Variants in MGAT4C observed in about 807,000 individuals in gnomAD.
The protein encoded by MGAT4C is alpha-1,3-mannosyl-glycoprotein 4-beta-N-acetylglucosaminyltransferase C.
In MGAT4C, 19 loss-of-function variants were observed where a neutral mutation model predicts 40.1. That is an observed-to-expected ratio of 0.47 (90% CI 0.33 to 0.70). MGAT4C has a LOEUF of 0.70. Among genes scored for constraint, MGAT4C ranks in the 30% least tolerant of loss-of-function variants. The pLI, the probability that MGAT4C is intolerant of heterozygous loss-of-function variation, is 0.02. For synonymous variants in MGAT4C, 181 were observed against 187.1 expected (o/e 0.97, Z 0.27); for missense variants, 491 against 563.2 (o/e 0.87, Z 1.30).
chr12:86,107,588 T>C (rs896116345), intron 1 of MGAT4C, among the ~76,000 whole-genome samples: 2 of 152,192 alleles, frequency 1.3e-5, no homozygotes, highest in Non-Finnish European at 2.9e-5. Context: ...GCTTTGTAAC[T>C]AGTCCCTCCG....
intron 2 of MGAT4C, among the ~76,000 whole-genome samples, chr12:86,618,622 A>G (rs1962536168): frequency 6.6e-6 from 1 of 152,184 alleles, no homozygotes; most frequent in Non-Finnish European, 1.5e-5. Flanking sequence ...AGAGTTAAAA[A>G]ATTGATCTCA....
intron 3 of MGAT4C, among the ~76,000 whole-genome samples, chr12:86,403,185 T>A (rs1385267059): frequency 3.3e-5 from 5 of 152,222 alleles, no homozygotes; most frequent in Non-Finnish European, 7.4e-5. Flanking sequence ...AGCACTTTCT[T>A]ACATAAATGG....
Position 86,337,208 on chromosome 12 carries a change from C to A in MGAT4C, c.-119-3081G>T, listed in dbSNP as rs542817908. Among the ~76,000 whole-genome samples the A allele has an allele frequency of 2.8e-4, 43 of 151,998 alleles. No individual in the cohort carries two copies. The South Asian group carries it at 3.3e-3, about 12-fold the overall frequency. ...ACTATATACTAGGTCCTGGGAGTTA[C>A]AAAGTGTTTGAAGAAAACAGAAATT... On this transcript the variant is annotated intron_variant, in intron 3 of 7. Coordinates refer to the MGAT4C transcript ENST00000548651.
chr12:86,349,012 T>G (rs1955101073), intron 3 of MGAT4C, among the ~76,000 whole-genome samples: 1 of 152,162 alleles, frequency 6.6e-6, no homozygotes, highest in Admixed American at 6.6e-5. Flanking sequence ...ATTAAGCATT[T>G]TGTTAGAATT....
chr12:86,556,287 TTAA>T (rs1417151383), intron 2 of MGAT4C, among the ~76,000 whole-genome samples: 3 of 152,222 alleles, frequency 2.0e-5, no homozygotes, highest in African/African-American at 7.2e-5. Flanking sequence ...AGAATAAAAC[TTAA>T]TATTTGTTTT....
chr12:86,103,911 TTGA>T (rs200298738), intron 1 of MGAT4C, among the ~76,000 whole-genome samples: 3,856 of 152,268 alleles, frequency 0.025, 76 homozygotes, highest in Middle Eastern at 0.041. Context: ...TAATAAAAAT[TTGA>T]TGAACAAATT....
rs768790281 is a variant in MGAT4C at position 85,965,574 on chromosome 12, GC to G, written c.*13714del. 13 of 136,200 alleles carry G rather than the reference GC, an allele frequency of 9.5e-5. No individual in the cohort carries two copies. Among genetic ancestry groups the G allele is most frequent in the Non-Finnish European group, 1.8e-4 (12 of 65,774 alleles). The allele number at this position is 136,200 out of a possible 1,614,324, so 8.4% of individuals were successfully genotyped here. A position where few individuals can be genotyped will look rare whatever the true frequency, so the allele number is the denominator to read the frequency against. On this transcript the variant is annotated 3_prime_UTR_variant, in exon 5 of 5. Transcript: ENST00000611864. ...ATAGTGCCACTGCAGTCCGGCCTGG[GC>G]AAAAGAGTGAGACTCTGTCTCAAAA...
intron 2 of MGAT4C, among the ~76,000 whole-genome samples, chr12:86,555,722 T>C (rs1023712305): frequency 1.3e-5 from 2 of 152,222 alleles, no homozygotes; most frequent in African/African-American, 2.4e-5. Flanking sequence ...ATATGCTTAA[T>C]GCAGAGCGCC....
chr12:86,405,986 C>CACAA (rs1491396845), intron 3 of MGAT4C, among the ~76,000 whole-genome samples: 27 of 119,274 alleles, frequency 2.3e-4, no homozygotes, highest in Admixed American at 2.6e-4. Context: ...TATATATACA[C>CACAA]AAAAAATATA....
At chr12:86,200,164 T>A (rs1292074996) in intron 1 of MGAT4C, among the ~76,000 whole-genome samples, 3 of 151,296 alleles carry the variant, frequency 2.0e-5, no homozygotes, top group Admixed American at 2.0e-4. Context: ...GCTTTTGTTT[T>A]TTTTTGGTCT....
At chr12:86,733,637 T>C (rs912547096) in intron 1 of MGAT4C, among the ~76,000 whole-genome samples, 16 of 152,072 alleles carry the variant, frequency 1.1e-4, no homozygotes, top group Admixed American at 6.6e-4. Context: ...GATGTCAGTA[T>C]AGGACAATGG....
intron 1 of MGAT4C, among the ~76,000 whole-genome samples, chr12:86,253,301 G>C (rs1389421742): frequency 6.6e-6 from 1 of 151,772 alleles, no homozygotes; most frequent in African/African-American, 2.4e-5. Context: ...CTCAAGAGAA[G>C]TGACTGATTA....
At chr12:86,229,152 T>TAATA (rs1418713908) in intron 1 of MGAT4C, among the ~76,000 whole-genome samples, 1 of 151,908 alleles carries the variant, frequency 6.6e-6, no homozygotes, top group African/African-American at 2.4e-5. Flanking sequence ...TTAAAATAAT[T>TAATA]AATAATTAAT....
chr12:86,571,188 T>A (rs1385568349), intron 2 of MGAT4C, among the ~76,000 whole-genome samples: 1 of 152,164 alleles, frequency 6.6e-6, no homozygotes, highest in East Asian at 1.9e-4. Flanking sequence ...GTTTTAATGC[T>A]CATTATTTTT....
At chr12:86,010,750 T>C (rs917902886) in intron 2 of MGAT4C, among the ~76,000 whole-genome samples, 3 of 152,124 alleles carry the variant, frequency 2.0e-5, no homozygotes, top group African/African-American at 7.2e-5. Flanking sequence ...AGTGTAACAG[T>C]ATTAAAAGGT....
At chr12:86,759,338 A>G (rs1951361602) in intron 1 of MGAT4C, among the ~76,000 whole-genome samples, 1 of 152,136 alleles carries the variant, frequency 6.6e-6, no homozygotes, top group Non-Finnish European at 1.5e-5. Context: ...ATAGTGCTGC[A>G]ACAAAGACAG....
chr12:86,795,259 T>A (rs1448781607), intron 1 of MGAT4C, among the ~76,000 whole-genome samples: 1 of 151,984 alleles, frequency 6.6e-6, no homozygotes, highest in Non-Finnish European at 1.5e-5. Context: ...ATAACAATTT[T>A]GTCCCATGTC....
intron 1 of MGAT4C, among the ~76,000 whole-genome samples, chr12:86,210,095 G>C (rs1003776214): frequency 6.6e-6 from 1 of 151,962 alleles, no homozygotes; most frequent in Non-Finnish European, 1.5e-5. Flanking sequence ...TATCTACCTG[G>C]CCAATTGATC....
intron 2 of MGAT4C, among the ~76,000 whole-genome samples, chr12:86,565,072 C>A (rs4343091): frequency 1.3e-5 from 2 of 152,048 alleles, no homozygotes; most frequent in African/African-American, 2.4e-5. Context: ...CCTGTTACTG[C>A]GCTTTGGTAG....
Sources: allele counts gnomAD v4.1 joint callset (sites outside exome capture counted in the v4.1 genomes callset), GRCh38; gene constraint gnomAD v4.1.1; transcripts MANE v1.5; gene names NCBI Gene and HGNC (gene_info 2026-07-23, HGNC 2026-07-21).